The following TCN1 variants were observed in gnomAD, a reference collection of about 807,000 sequenced individuals.
TCN1 encodes the protein transcobalamin-1.
TCN1 carries 47 observed loss-of-function variants against 46.3 expected under a neutral mutation model. The ratio of observed to expected loss-of-function variants is 1.01; its 90% CI spans 0.80 to 1.29. TCN1 has a LOEUF of 1.29. Among genes scored for constraint, TCN1 ranks in the 50% most tolerant of loss-of-function variants. TCN1 has a pLI of 0.00. For synonymous variants in TCN1, 183 were observed against 192.5 expected (o/e 0.95, Z 0.41); for missense variants, 532 against 511.0 (o/e 1.04, Z -0.40).
chr11:59,864,241 G>A (rs1268558434), intron 1 of TCN1, among the ~76,000 whole-genome samples, 155 bp from the exon 2 acceptor site: 1 of 152,134 alleles, frequency 6.6e-6, no homozygotes, highest in Non-Finnish European at 1.5e-5. Flanking sequence ...ACAAAGGTGG[G>A]TCTTGAACCC....
At chr11:59,856,390 TAAC>T (rs1176890447) in intron 5 of TCN1, among the ~76,000 whole-genome samples, 1 of 151,956 alleles carries the variant, frequency 6.6e-6, no homozygotes, top group African/African-American at 2.4e-5. Flanking sequence ...CAATAAATAT[TAAC>T]AAACTACTGT....
At chr11:59,861,098 C>T (rs1044077773) in intron 4 of TCN1, among the ~76,000 whole-genome samples, 1 of 152,128 alleles carries the variant, frequency 6.6e-6, no homozygotes, top group African/African-American at 2.4e-5. Context: ...TGGTATTGTT[C>T]AAGACTCTCG....
chr11:59,864,122 C>G (rs762481150), intron 1 of TCN1, 36 bp from the exon 2 acceptor site: 28 of 1,606,446 alleles, frequency 1.7e-5, no homozygotes, highest in Middle Eastern at 1.6e-4. Flanking sequence ...GAAACACATA[C>G]TCAGAAAATA....
intron 7 of TCN1, 67 bp from the exon 8 acceptor site, chr11:59,853,388 C>T: frequency 7.2e-7 from 1 of 1,392,154 alleles, no homozygotes; most frequent in South Asian, 1.2e-5. Context: ...ATAGGCATTT[C>T]TCAAACTTTA....
Sources: allele counts gnomAD v4.1 joint callset (sites outside exome capture counted in the v4.1 genomes callset), GRCh38; gene constraint gnomAD v4.1.1; transcripts MANE v1.5; gene names NCBI Gene and HGNC (gene_info 2026-07-23, HGNC 2026-07-21).